Variants in STK33 observed in about 807,000 individuals in gnomAD.
The protein encoded by STK33 is serine/threonine-protein kinase 33.
In STK33, 52 loss-of-function variants were observed where a neutral mutation model predicts 58.0. The ratio of observed to expected loss-of-function variants is 0.90; its 90% confidence interval spans 0.72 to 1.13. The LOEUF is 1.13. STK33 is among the 50% of genes most tolerant of loss of function. STK33 has a pLI of 0.00. For synonymous variants in STK33, 215 were observed against 200.1 expected, an observed-to-expected ratio of 1.07 and a Z score of -0.63; for missense variants, 630 against 604.2, an observed-to-expected ratio of 1.04 and a Z score of -0.45.
the STK33 span, among the ~76,000 whole-genome samples, chr11:8,348,067 G>A: frequency 6.6e-6 from 1 of 152,140 alleles, no homozygotes; most frequent in South Asian, 2.1e-4. Context: ...ACCCCATCTG[G>A]GTGACTGACT....
the STK33 span, among the ~76,000 whole-genome samples, chr11:8,374,955 G>A: frequency 6.6e-6 from 1 of 152,188 alleles, no homozygotes; most frequent in Non-Finnish European, 1.5e-5. Context: ...TATTTGGCAG[G>A]GAAGTATAGT....
At chr11:8,364,206 G>T in the STK33 span, among the ~76,000 whole-genome samples, 1 of 152,188 alleles carries the variant, frequency 6.6e-6, no homozygotes, top group African/African-American at 2.4e-5. Flanking sequence ...GGAGCCAAAT[G>T]GTGGCGACGT....
the STK33 span, among the ~76,000 whole-genome samples, chr11:8,372,622 G>A: frequency 0.48 from 72,293 of 152,128 alleles, 17,534 homozygotes; most frequent in Middle Eastern, 0.54. Flanking sequence ...GCATCCCACC[G>A]CATAGGCGGG....
chr11:8,557,333 G>A (rs1385198445), intron 1 of STK33, among the ~76,000 whole-genome samples: 1 of 140,498 alleles, frequency 7.1e-6, no homozygotes, highest in Non-Finnish European at 1.6e-5. Flanking sequence ...AAAGAGGGAG[G>A]CAAGGAGGGA....
At chr11:8,505,028 T>C (rs866538084) in intron 1 of STK33, among the ~76,000 whole-genome samples, 15 of 152,174 alleles carry the variant, frequency 9.9e-5, no homozygotes, top group African/African-American at 3.4e-4. Flanking sequence ...AAATTAGCCA[T>C]GGTGGGTGTG....
chr11:8,570,008 A>G (rs928108866), intron 1 of STK33, among the ~76,000 whole-genome samples: 1 of 152,252 alleles, frequency 6.6e-6, no homozygotes, highest in East Asian at 1.9e-4. Context: ...GGACTGGGAG[A>G]AAATATTCAC....
chr11:8,465,056 A>C (rs1948013168), intron 6 of STK33: 3 of 304,240 alleles, frequency 9.9e-6, no homozygotes, highest in South Asian at 1.6e-4. Flanking sequence ...AAAAATCCTA[A>C]TGGTGAAATG....
At chr11:8,342,799 T>G in the STK33 span, among the ~76,000 whole-genome samples, 1 of 152,230 alleles carries the variant, frequency 6.6e-6, no homozygotes, top group East Asian at 1.9e-4. Flanking sequence ...CATACTGTAA[T>G]TGATAAATAT....
intron 10 of STK33, 88 bp downstream of exon 10, chr11:8,454,656 G>C: frequency 7.1e-7 from 1 of 1,413,522 alleles, no homozygotes; most frequent in Admixed American, 3.2e-5. Flanking sequence ...TCAAAAGCTA[G>C]CAACATGTGT....
At chr11:8,491,711 C>A (rs1950626620) in intron 1 of STK33, among the ~76,000 whole-genome samples, 1 of 152,172 alleles carries the variant, frequency 6.6e-6, no homozygotes, top group Non-Finnish European at 1.5e-5. Flanking sequence ...TCAGGTTACT[C>A]ACAAAGGGAA....
At chr11:8,454,432 A>C (rs1312359138) in intron 10 of STK33, among the ~76,000 whole-genome samples, 1 of 152,214 alleles carries the variant, frequency 6.6e-6, no homozygotes. Flanking sequence ...TCTGTAACAC[A>C]TTTACATCAA....
chr11:8,518,475 C>T (rs1953036063), intron 1 of STK33, among the ~76,000 whole-genome samples: 1 of 152,176 alleles, frequency 6.6e-6, no homozygotes, highest in Admixed American at 6.5e-5. Context: ...ATGACAGGAT[C>T]AAATTCACAC....
At chr11:8,472,086 C>G (rs2137778496) in intron 6 of STK33, among the ~76,000 whole-genome samples, 1 of 152,218 alleles carries the variant, frequency 6.6e-6, no homozygotes, top group African/African-American at 2.4e-5. Context: ...GCCTCTATAT[C>G]CTGCTAATTT....
intron 1 of STK33, among the ~76,000 whole-genome samples, chr11:8,510,075 T>C (rs915510029): frequency 6.6e-6 from 1 of 152,188 alleles, no homozygotes; most frequent in Non-Finnish European, 1.5e-5. Flanking sequence ...TTAAGAAATC[T>C]CTATCTTGTT....
chr11:8,394,254 G>C (rs1043938284), intron 15 of STK33, among the ~76,000 whole-genome samples: 2 of 152,148 alleles, frequency 1.3e-5, no homozygotes, highest in Admixed American at 1.3e-4. Flanking sequence ...TAGAGCATCT[G>C]GCTGAGAACA....
intron 11 of STK33, among the ~76,000 whole-genome samples, chr11:8,445,640 T>C (rs1453073821): frequency 2.0e-5 from 3 of 152,214 alleles, no homozygotes; most frequent in African/African-American, 7.2e-5. Context: ...GAGATAATCA[T>C]GTGGTTTTTG....
At chr11:8,468,983 A>C (rs560949306) in intron 6 of STK33, among the ~76,000 whole-genome samples, 1 of 152,342 alleles carries the variant, frequency 6.6e-6, no homozygotes, top group Admixed American at 6.5e-5. Flanking sequence ...GCGAACAAAC[A>C]TAACAATGCA....
At chr11:8,423,677 T>C (rs913637823) in intron 14 of STK33, among the ~76,000 whole-genome samples, 1 of 152,086 alleles carries the variant, frequency 6.6e-6, no homozygotes, top group Non-Finnish European at 1.5e-5. Flanking sequence ...CTTGAGAACA[T>C]GTACATTCTC....
rs566538355 is a variant in STK33, at chr11:8,438,910, G to A, written c.947+1768C>T. Among the ~76,000 whole-genome samples, 9 of 152,286 alleles carry A rather than the reference G, an allele frequency of 5.9e-5. No individual in the cohort carries two copies. In the East Asian group the frequency reaches 1.7e-3, roughly 29 times the overall value. On this transcript the variant is annotated intron_variant, in intron 12 of 15. Coordinates refer to ENST00000687296, the MANE Select transcript of STK33 (RefSeq NM_001352389.2). The stretch of plus-strand genomic sequence containing the variant: ...CTTTTTGAATACTTTTATACTTTAT[G>A]TAATCTAAGCAACGATGTGTGTTGA...
Sources: gnomAD v4.1 joint callset for allele counts (sites outside exome capture counted in the v4.1 genomes callset) on GRCh38, gnomAD v4.1.1 for gene constraint, MANE v1.5 for transcripts, NCBI Gene and HGNC (gene_info 2026-07-23, HGNC 2026-07-21) for gene names.